The following CNTN1 variants were observed in gnomAD, a reference collection of about 807,000 sequenced individuals.
CNTN1 encodes the protein contactin-1.
In CNTN1, 38 loss-of-function variants were observed where a neutral mutation model predicts 126.4. The observed-to-expected ratio is 0.30, with a 90% confidence interval of 0.23 to 0.39. The LOEUF is 0.39. Ranked by LOEUF, CNTN1 falls within the 10% of genes least tolerant of loss-of-function variation. CNTN1 has a pLI of 1.00. For missense variants in CNTN1, 1,009 were observed against 1,248.4 expected (o/e 0.81, Z 2.89); for synonymous variants, 413 against 422.6 (o/e 0.98, Z 0.28).
rs113449140 is a variant in CNTN1 at position 41,017,216 on chromosome 12, ACT to A, written c.2419+304_2419+305del. On this transcript the variant is annotated intron_variant, in intron 19 of 23. Coordinates refer to ENST00000551295, the MANE Select transcript of CNTN1 (RefSeq NM_001843.4). ...CTTGATTATAATTTTGTAGTCAGAA[ACT>A]CTCCATACTTGAACAGAATCTCAAC... 0.029 allele frequency among the ~76,000 whole-genome samples: 4,449 copies of A among 151,922 alleles called. 209 individuals are homozygous for A. The highest frequency in any genetic ancestry group is 0.1 in the African/African-American group (4,189 of 41,362).
rs142109678 is a variant in CNTN1 at position 41,006,393 on chromosome 12, C to A, written c.2114-7835C>A. ...ACAGTGGCAGAGGCAACACAGCTGG[C>A]AGGCAGGAGCAGAGGACCCCTGCTG... On this transcript the variant is annotated intron_variant, in intron 17 of 23. Transcript: ENST00000551295. 3.3e-5 allele frequency among the ~76,000 whole-genome samples: 5 copies of A among 152,300 alleles called. No homozygotes were observed. In the East Asian group the frequency reaches 9.7e-4, roughly 29 times the overall value.
At chr12:40,808,544 A>C (rs188964942) in intron 1 of CNTN1, among the ~76,000 whole-genome samples, 8 of 152,334 alleles carry the variant, frequency 5.3e-5, no homozygotes, top group African/African-American at 1.9e-4. Context: ...GGAATGATTT[A>C]GAGTATTTAG....
intron 1 of CNTN1, among the ~76,000 whole-genome samples, chr12:40,878,306 T>C (rs1445020314): frequency 2.1e-5 from 3 of 143,082 alleles, no homozygotes; most frequent in Non-Finnish European, 4.6e-5. Flanking sequence ...AAGAAACAAT[T>C]AAAAAAAAAA....
chr12:40,818,444 T>C, intron 1 of CNTN1, among the ~76,000 whole-genome samples: 1 of 152,192 alleles, frequency 6.6e-6, no homozygotes, highest in East Asian at 1.9e-4. Context: ...TATCCTTTCT[T>C]CCGCTTTGTC....
At chr12:40,818,335 T>C (rs1941323210) in intron 1 of CNTN1, among the ~76,000 whole-genome samples, 1 of 152,202 alleles carries the variant, frequency 6.6e-6, no homozygotes, top group Admixed American at 6.5e-5. Context: ...TTTTATGAAG[T>C]TCCATATTTC....
In CNTN1 at chr12:40,752,186, G is replaced by A. The variant is rs76939565; in HGVS notation, c.-77+59594G>A. Among the ~76,000 whole-genome samples, 545 of 152,134 alleles carry A rather than the reference G, an allele frequency of 3.6e-3. 3 individuals carry two copies. Among genetic ancestry groups the A allele is most frequent in the African/African-American group, 0.012 (518 of 41,530 alleles). On this transcript the variant is annotated intron_variant, in intron 1 of 23. Transcript: ENST00000551295. Reference sequence around the variant, plus strand: ...GCTTTATTATGCCCTGTATGGTCACGTGTTTATAATAGATGAGCCTTGGCT... The same window carrying A: ...GCTTTATTATGCCCTGTATGGTCACATGTTTATAATAGATGAGCCTTGGCT...
At chr12:41,026,523 A>G (rs71451503) in intron 21 of CNTN1, among the ~76,000 whole-genome samples, 6,887 of 152,318 alleles carry the variant, frequency 0.045, 167 homozygotes, top group Middle Eastern at 0.12. Context: ...CCACTATGTG[A>G]ATAGCTTTAG....
At chr12:41,022,249 A>G (rs1024944609) in intron 20 of CNTN1, among the ~76,000 whole-genome samples, 1 of 152,204 alleles carries the variant, frequency 6.6e-6, no homozygotes, top group Non-Finnish European at 1.5e-5. Context: ...AAGGATTTTC[A>G]CATAGTCAGT....
intron 1 of CNTN1, among the ~76,000 whole-genome samples, chr12:40,831,136 A>G (rs954235887): frequency 7.0e-6 from 1 of 142,694 alleles, no homozygotes; most frequent in Admixed American, 7.0e-5. Flanking sequence ...AAATATCTAT[A>G]GTATATATAC....
rs139168426 is a variant in CNTN1 at position 40,827,187 on chromosome 12, T to C, written c.-76-81170T>C. Among the ~76,000 whole-genome samples the C allele has an allele frequency of 2.6e-3, 391 of 151,532 alleles. 1 individual carries two copies. Among genetic ancestry groups the C allele is most frequent in the African/African-American group, 8.9e-3 (365 of 40,974 alleles). On this transcript the variant is annotated intron_variant, in intron 1 of 23. Transcript: ENST00000551295. Reference sequence around the variant, plus strand: ...TTTTGTTTTAAAGCCTGTTTTTTTTTTTCAGGCAATGAAAACAATGCTGTG... The same window carrying C: ...TTTTGTTTTAAAGCCTGTTTTTTTTCTTCAGGCAATGAAAACAATGCTGTG...
chr12:40,974,840 C>T (rs1457143846), intron 15 of CNTN1, among the ~76,000 whole-genome samples: 2 of 151,930 alleles, frequency 1.3e-5, no homozygotes, highest in African/African-American at 4.8e-5. Flanking sequence ...TATAAGTACT[C>T]AGAAAAAAGC....
chr12:40,692,923 A>G (rs1260324344), intron 1 of CNTN1, among the ~76,000 whole-genome samples: 2 of 152,148 alleles, frequency 1.3e-5, no homozygotes, highest in Non-Finnish European at 2.9e-5. Flanking sequence ...CAGGGATGCC[A>G]TATCGCCTCG....
rs1167408308 is a variant in CNTN1 at position 40,922,543 on chromosome 12, AG to A, written c.400+116del. On this transcript the variant is annotated intron_variant, in intron 5 of 23. Transcript: ENST00000551295. The stretch of plus-strand genomic sequence containing the variant: ...CATCATAGATGAGGTGGATCTTACA[AG>A]ATGAGTGGACCCTAATTGTGTAATG... The A allele has an allele frequency of 2.0e-5, 18 of 905,536 alleles. No homozygotes were observed. In the East Asian group the frequency reaches 4.4e-4, roughly 22 times the overall value. 56.1% of individuals were successfully genotyped at this position (905,536 alleles called of 1,614,324 possible). A position where few individuals can be genotyped will look rare whatever the true frequency, so the allele number is the denominator to read the frequency against.
At chr12:40,953,319 A>C (rs1389973639) in intron 14 of CNTN1, among the ~76,000 whole-genome samples, 1 of 152,124 alleles carries the variant, frequency 6.6e-6, no homozygotes, top group African/African-American at 2.4e-5. Context: ...TTTTAGTAAA[A>C]ATACAGTGAG....
At chr12:40,853,723 T>C (rs2136624190) in intron 1 of CNTN1, among the ~76,000 whole-genome samples, 1 of 152,000 alleles carries the variant, frequency 6.6e-6, no homozygotes, top group East Asian at 1.9e-4. Flanking sequence ...AAATAGGTAA[T>C]TACAATGAAG....
chr12:40,975,084 C>T (rs189011344), intron 15 of CNTN1, among the ~76,000 whole-genome samples: 20 of 150,700 alleles, frequency 1.3e-4, no homozygotes, highest in African/African-American at 4.6e-4. Flanking sequence ...CCAGAAAACC[C>T]TGTCTTTGAT....
chr12:40,975,980 A>G (rs1485777410), intron 15 of CNTN1, among the ~76,000 whole-genome samples: 2 of 152,180 alleles, frequency 1.3e-5, no homozygotes, highest in Non-Finnish European at 2.9e-5. Context: ...TGTATTTCAA[A>G]AACTCGAGAG....
At chr12:40,842,244 T>C (rs899667297) in intron 1 of CNTN1, among the ~76,000 whole-genome samples, 1 of 152,110 alleles carries the variant, frequency 6.6e-6, no homozygotes, top group Non-Finnish European at 1.5e-5. Context: ...AAGTTTTCAA[T>C]AAATTTATAT....
In CNTN1 at chr12:41,042,844, C is replaced by T. The variant is rs1044666923; in HGVS notation, c.2980+13625C>T. On this transcript the variant is annotated intron_variant, in intron 23 of 23. Transcript: ENST00000551295. The stretch of plus-strand genomic sequence containing the variant: ...AGAACAGAGCCCTCAGAAATAATGC[C>T]GCATATCTACAACTATCTGATCTTT... Among the ~76,000 whole-genome samples the T allele has an allele frequency of 1.9e-3, 283 of 152,008 alleles. 1 individual carries two copies. Among genetic ancestry groups the T allele is most frequent in the African/African-American group, 5.6e-3 (232 of 41,464 alleles).
Sources: gnomAD v4.1 joint callset for allele counts (sites outside exome capture counted in the v4.1 genomes callset) on GRCh38, gnomAD v4.1.1 for gene constraint, MANE v1.5 for transcripts, NCBI Gene and HGNC (gene_info 2026-07-23, HGNC 2026-07-21) for gene names.